AUTS2: variants seen among roughly 807,000 people sequenced by gnomAD.
The protein encoded by AUTS2 is autism susceptibility gene 2 protein.
AUTS2 carries 17 observed loss-of-function variants against 112.4 expected under a neutral mutation model. The observed-to-expected ratio is 0.15, with a 90% confidence interval of 0.10 to 0.23. The LOEUF (loss-of-function observed/expected upper bound fraction) is 0.23. Ranked by LOEUF, AUTS2 falls within the 10% of genes least tolerant of loss-of-function variation. AUTS2 has a pLI of 1.00. For synonymous variants in AUTS2, 751 were observed against 702.7 expected, an observed-to-expected ratio of 1.07 and a Z score of -1.09; for missense variants, 1,510 against 1,701.6, an observed-to-expected ratio of 0.89 and a Z score of 1.98.
Position 70,609,425 on chromosome 7 carries a change from C to T in AUTS2, c.691-89144C>T, listed in dbSNP as rs569582230. On this transcript the variant is annotated intron_variant, in intron 5 of 18. Coordinates refer to ENST00000342771, the MANE Select transcript of AUTS2 (RefSeq NM_015570.4). Reference sequence around the variant, plus strand: ...TTTTTTTTTTTCCGAGACAGAGTCTCACTCTGTCTCCCAGGCTGGAGTGCA... The same window carrying T: ...TTTTTTTTTTTCCGAGACAGAGTCTTACTCTGTCTCCCAGGCTGGAGTGCA... Among the ~76,000 whole-genome samples, 26 of 137,376 alleles carry T rather than the reference C, an allele frequency of 1.9e-4. No individual in the cohort carries two copies. In the South Asian group the frequency reaches 5.9e-3, roughly 31 times the overall value. 90.1% of individuals were successfully genotyped at this position (137,376 alleles called of 152,430 possible). A position where few individuals can be genotyped will look rare whatever the true frequency, so the allele number is the denominator to read the frequency against.
chr7:69,640,480 T>C (rs975130447), intron 1 of AUTS2, among the ~76,000 whole-genome samples: 4 of 152,212 alleles, frequency 2.6e-5, no homozygotes, highest in African/African-American at 4.8e-5. Context: ...CTGAGATTTA[T>C]TGGTTTCTTC....
At chr7:69,845,088 G>A (rs1321048737) in intron 1 of AUTS2, among the ~76,000 whole-genome samples, 1 of 152,084 alleles carries the variant, frequency 6.6e-6, no homozygotes, top group Admixed American at 6.6e-5. Context: ...GTTTCCCTCT[G>A]CTATTCAAAG....
At chr7:70,619,968 A>G (rs1401631297) in intron 5 of AUTS2, among the ~76,000 whole-genome samples, 1 of 151,870 alleles carries the variant, frequency 6.6e-6, no homozygotes, top group East Asian at 1.9e-4. Context: ...GACAAGAGGC[A>G]GAGGCCTTGT....
In AUTS2 at chr7:69,714,237, ATGTGTGTGTATATGTG is replaced by A. The variant is rs1339425230; in HGVS notation, c.309+114285_309+114300del. Among the ~76,000 whole-genome samples the A allele has an allele frequency of 7.1e-4, 64 of 89,990 alleles. 1 individual carries two copies. The highest frequency in any genetic ancestry group is 3.0e-3 in the East Asian group (8 of 2,698). 59.0% of individuals were successfully genotyped at this position (89,990 alleles called of 152,430 possible). On this transcript the variant is annotated intron_variant, in intron 1 of 18. Transcript: ENST00000342771. Reference sequence around the variant, plus strand: ...CACCAACACACCCAGCTAATTGTGCATGTGTGTGTATATGTGTGTGTGTGTGTGTGTGTGTGTGTGT... The same window carrying A: ...CACCAACACACCCAGCTAATTGTGCATGTGTGTGTGTGTGTGTGTGTGTGT...
chr7:70,475,500 ATCT>A (rs913765456), intron 5 of AUTS2, among the ~76,000 whole-genome samples: 46 of 152,296 alleles, frequency 3.0e-4, no homozygotes, highest in African/African-American at 1.1e-3. Context: ...CTGGGATCAC[ATCT>A]TCTACTTGGT....
At chr7:70,361,623 C>A (rs1792271884) in intron 4 of AUTS2, among the ~76,000 whole-genome samples, 1 of 151,980 alleles carries the variant, frequency 6.6e-6, no homozygotes, top group Non-Finnish European at 1.5e-5. Flanking sequence ...CTAGCAGCAC[C>A]CCAAAAGTGC....
At chr7:70,175,095 A>T (rs1222077455) in intron 4 of AUTS2, among the ~76,000 whole-genome samples, 1 of 152,210 alleles carries the variant, frequency 6.6e-6, no homozygotes, top group Non-Finnish European at 1.5e-5. Flanking sequence ...AACATTCATG[A>T]CATATAGGAG....
chr7:70,483,707 C>T (rs189827609), intron 5 of AUTS2, among the ~76,000 whole-genome samples: 33 of 152,184 alleles, frequency 2.2e-4, no homozygotes, highest in East Asian at 1.9e-3. Context: ...AACGGCATTC[C>T]GCTCTATCCC....
rs755980224 is a variant in AUTS2, at chr7:70,515,085, CAG to C, written c.690+79306_690+79307del. 1.7e-3 allele frequency among the ~76,000 whole-genome samples: 251 copies of C among 152,038 alleles called. 2 individuals are homozygous for C. Among genetic ancestry groups the C allele is most frequent in the Non-Finnish European group, 2.8e-3 (187 of 67,998 alleles). On this transcript the variant is annotated intron_variant, in intron 5 of 18. Transcript: ENST00000342771. ...TTCCTTGATTCCCTTTATTAAGTAACAGAAGATATAACCAAATAGGTTGGAAG... is the reference window on the plus strand; with the variant it reads ...TTCCTTGATTCCCTTTATTAAGTAACAAGATATAACCAAATAGGTTGGAAG...
At chr7:70,678,571 G>A (rs1269169600) in intron 5 of AUTS2, among the ~76,000 whole-genome samples, 1 of 152,218 alleles carries the variant, frequency 6.6e-6, no homozygotes, top group African/African-American at 2.4e-5. Context: ...CACTTTGAGA[G>A]ACAGGTACAG....
intron 4 of AUTS2, among the ~76,000 whole-genome samples, chr7:70,146,334 G>A (rs887784314): frequency 4.6e-4 from 70 of 152,058 alleles, no homozygotes; most frequent in Middle Eastern, 6.8e-3. Context: ...TACTGGGTGT[G>A]ATTTTTGTTA....
chr7:70,346,433 T>C (rs1394807304), intron 4 of AUTS2, among the ~76,000 whole-genome samples: 1 of 152,196 alleles, frequency 6.6e-6, no homozygotes, highest in Non-Finnish European at 1.5e-5. Flanking sequence ...CTTTCAAGTA[T>C]AGGCCACTGG....
intron 4 of AUTS2, among the ~76,000 whole-genome samples, chr7:70,332,937 T>A (rs992290630): frequency 6.6e-6 from 1 of 152,074 alleles, no homozygotes; most frequent in Non-Finnish European, 1.5e-5. Flanking sequence ...CCAAAAGCAA[T>A]GGCAACAAAA....
intron 2 of AUTS2, among the ~76,000 whole-genome samples, chr7:70,002,161 C>G (rs1799228718): frequency 6.6e-6 from 1 of 152,110 alleles, no homozygotes. Context: ...AGAATGACAG[C>G]ATGAATTCAG....
intron 5 of AUTS2, among the ~76,000 whole-genome samples, chr7:70,680,354 A>C (rs924543976): frequency 6.6e-6 from 1 of 152,166 alleles, no homozygotes; most frequent in Non-Finnish European, 1.5e-5. Flanking sequence ...CCAAAGTCAT[A>C]ACTAGTTGGG....
chr7:70,427,497 T>G (rs1326678630), intron 4 of AUTS2, among the ~76,000 whole-genome samples: 1 of 152,142 alleles, frequency 6.6e-6, no homozygotes, highest in Non-Finnish European at 1.5e-5. Context: ...CAACCCCACT[T>G]CCAATAACTC....
intron 5 of AUTS2, among the ~76,000 whole-genome samples, chr7:70,443,628 T>A (rs1159949940): frequency 6.6e-6 from 1 of 152,224 alleles, no homozygotes; most frequent in Non-Finnish European, 1.5e-5. Context: ...GTGTGTGTAC[T>A]CTCAAGCAAC....
intron 5 of AUTS2, among the ~76,000 whole-genome samples, chr7:70,602,256 A>G (rs1239930962): frequency 6.6e-6 from 1 of 152,210 alleles, no homozygotes; most frequent in African/African-American, 2.4e-5. Context: ...ATGCCATCTA[A>G]CTTACAAAGT....
chr7:69,936,951 C>T (rs938876412), intron 2 of AUTS2, among the ~76,000 whole-genome samples: 6 of 151,918 alleles, frequency 3.9e-5, no homozygotes, highest in African/African-American at 7.3e-5. Context: ...TTCCTTTCCC[C>T]GCTCCCTGTT....
Sources: gnomAD v4.1 joint callset for allele counts (sites outside exome capture counted in the v4.1 genomes callset) on GRCh38, gnomAD v4.1.1 for gene constraint, MANE v1.5 for transcripts, NCBI Gene and HGNC (gene_info 2026-07-23, HGNC 2026-07-21) for gene names.